Variants in MMP16 observed in about 807,000 individuals in gnomAD.
The protein encoded by MMP16 is matrix metalloproteinase-16.
Under a neutral mutation model 67.8 loss-of-function variants are expected in MMP16, and 12 were observed. The observed-to-expected ratio is 0.18, with a 90% CI of 0.11 to 0.29. The LOEUF (loss-of-function observed/expected upper bound fraction) is 0.29. Ranked by LOEUF, MMP16 falls within the 10% of genes least tolerant of loss-of-function variation. The pLI, the probability that MMP16 is intolerant of heterozygous loss-of-function variation, is 1.00. For missense variants in MMP16, 475 were observed against 765.7 expected (o/e 0.62, Z 4.48); for synonymous variants, 249 against 255.9 (o/e 0.97, Z 0.26).
intron 4 of MMP16, among the ~76,000 whole-genome samples, chr8:88,149,421 C>A (rs957059629): frequency 3.3e-5 from 5 of 152,118 alleles, no homozygotes; most frequent in Non-Finnish European, 5.9e-5. Flanking sequence ...CACAGACAAA[C>A]AAAAAGACAG....
At chr8:88,308,349 T>C (rs1811242755) in intron 1 of MMP16, among the ~76,000 whole-genome samples, 1 of 152,114 alleles carries the variant, frequency 6.6e-6, no homozygotes, top group African/African-American at 2.4e-5. Context: ...TGCTCTATAA[T>C]GCTTTTGCCA....
chr8:88,304,983 A>G (rs1811191303), intron 1 of MMP16, among the ~76,000 whole-genome samples: 1 of 152,208 alleles, frequency 6.6e-6, no homozygotes, highest in South Asian at 2.1e-4. Flanking sequence ...ACATGCCCCC[A>G]ATTAAAAAAC....
chr8:88,125,463 T>A (rs537939562), intron 4 of MMP16, among the ~76,000 whole-genome samples: 5 of 151,934 alleles, frequency 3.3e-5, no homozygotes, highest in African/African-American at 1.2e-4. Flanking sequence ...TTCAGAAATA[T>A]GTAAGTGCCA....
At chr8:88,298,924 T>TA (rs1010434228) in intron 1 of MMP16, among the ~76,000 whole-genome samples, 1 of 152,114 alleles carries the variant, frequency 6.6e-6, no homozygotes, top group Non-Finnish European at 1.5e-5. Context: ...TTTTAATCAT[T>TA]AAAAAAAGTG....
chr8:88,276,683 T>C (rs375969987), intron 1 of MMP16, among the ~76,000 whole-genome samples: 1 of 152,138 alleles, frequency 6.6e-6, no homozygotes, highest in South Asian at 2.1e-4. Context: ...CAGTCATTCC[T>C]ATTCAGATGT....
intron 1 of MMP16, among the ~76,000 whole-genome samples, chr8:88,204,505 G>C (rs184208816): frequency 1.1e-3 from 169 of 152,010 alleles, no homozygotes; most frequent in Non-Finnish European, 2.1e-4. Flanking sequence ...TCAAAAAAAT[G>C]ATTAATAACA....
rs1811554985 is a variant in MMP16, at chr8:88,327,233, G to A, written c.-27C>T. 2.5e-6 allele frequency: 4 copies of A among 1,612,836 alleles called. No individual in the cohort carries two copies. The highest frequency in any genetic ancestry group is 1.3e-5 in the African/African-American group (1 of 74,816). The stretch of plus-strand genomic sequence containing the variant: ...GTGAACTGTGCTTCAATGGATGGAC[G>A]AGCTCCCCTTCGTTTTCTCCCTCTC... On this transcript the variant is annotated 5_prime_UTR_variant, in exon 1 of 10. Coordinates refer to ENST00000286614, the MANE Select transcript of MMP16 (RefSeq NM_005941.5).
At chr8:88,124,490 T>G (rs1807892778) in intron 4 of MMP16, among the ~76,000 whole-genome samples, 1 of 151,890 alleles carries the variant, frequency 6.6e-6, no homozygotes, top group African/African-American at 2.4e-5. Flanking sequence ...ACCAAGAACT[T>G]AGTGTGCTAA....
intron 8 of MMP16, among the ~76,000 whole-genome samples, chr8:88,050,737 G>T (rs563410278): frequency 6.6e-6 from 1 of 152,246 alleles, no homozygotes; most frequent in Non-Finnish European, 1.5e-5. Flanking sequence ...TCTGCCTGTG[G>T]TTCTTATTCT....
At chr8:88,118,929 T>A in intron 4 of MMP16, 68 bp from the exon 5 acceptor site, 1 of 1,456,182 alleles carries the variant, frequency 6.9e-7, no homozygotes, top group South Asian at 1.2e-5. Context: ...AAGGACAATT[T>A]GGTATTATCA....
At chr8:88,063,587 T>C (rs996365084) in intron 7 of MMP16, among the ~76,000 whole-genome samples, 9 of 151,740 alleles carry the variant, frequency 5.9e-5, no homozygotes, top group African/African-American at 2.2e-4. Context: ...TAGGAGTGCA[T>C]TATATTGTTC....
chr8:88,041,621 A>C lies in MMP16; in HGVS notation c.1664T>G (p.Leu555Arg). ...TTTCACAGTGCTGGCTGTGTTGTCC[A>C]GTTTGATGACAATGTCTACATCATC... ...PPDDVDIVIK[L>R]DNTASTVKAI... Residue 555 changes from leucine to arginine, a missense_variant, in exon 10 of 10, where the codon CTG becomes CGG. Transcript: ENST00000286614. The surrounding 1 kb of genome is among the most constrained non-coding windows in gnomAD (Gnocchi z 6.0). 1 of 1,614,158 alleles carries C rather than the reference A, an allele frequency of 6.2e-7. No homozygotes were observed. The highest frequency in any genetic ancestry group is 8.5e-7 in the Non-Finnish European group (1 of 1,180,014).
At chr8:88,322,299 A>G (rs1811472213) in intron 1 of MMP16, among the ~76,000 whole-genome samples, 1 of 152,226 alleles carries the variant, frequency 6.6e-6, no homozygotes, top group African/African-American at 2.4e-5. Flanking sequence ...AACAGATGAC[A>G]TGACAAAATG....
intron 4 of MMP16, among the ~76,000 whole-genome samples, chr8:88,143,974 C>A: frequency 6.6e-6 from 1 of 151,976 alleles, no homozygotes; most frequent in South Asian, 2.1e-4. Context: ...ATTTCTCCAA[C>A]GTTTCCATTA....
intron 5 of MMP16, 42 bp from the exon 6 acceptor site, chr8:88,116,760 G>T (rs766032907): frequency 6.5e-7 from 1 of 1,546,490 alleles, no homozygotes; most frequent in African/African-American, 1.4e-5. Context: ...ACTTAAAACT[G>T]GAATAGAGCT....
At chr8:88,102,422 G>T (rs28906671) in intron 6 of MMP16, among the ~76,000 whole-genome samples, 2,555 of 151,942 alleles carry the variant, frequency 0.017, 39 homozygotes, top group South Asian at 0.053. Context: ...GGTATGGGGG[G>T]AGTGGGGCAG....
chr8:88,069,049 T>C (rs1413074366), intron 7 of MMP16, among the ~76,000 whole-genome samples: 1 of 152,110 alleles, frequency 6.6e-6, no homozygotes, highest in Non-Finnish European at 1.5e-5. Flanking sequence ...CTAGGCTCTT[T>C]GTATCTGTAT....
chr8:88,202,055 C>T (rs994697188), intron 1 of MMP16, among the ~76,000 whole-genome samples: 1 of 152,120 alleles, frequency 6.6e-6, no homozygotes, highest in Non-Finnish European at 1.5e-5. Flanking sequence ...TAGCCTTTTT[C>T]TTCATTCAAA....
At chr8:88,159,610 G>T (rs1808577194) in intron 4 of MMP16, among the ~76,000 whole-genome samples, 1 of 152,144 alleles carries the variant, frequency 6.6e-6, no homozygotes, top group South Asian at 2.1e-4. Flanking sequence ...TTTCCTAATT[G>T]AATACCCTTT....
Sources: allele counts gnomAD v4.1 joint callset (sites outside exome capture counted in the v4.1 genomes callset), GRCh38; gene constraint gnomAD v4.1.1; non-coding constraint Gnocchi (gnomAD v3.1); transcripts MANE v1.5; gene names NCBI Gene and HGNC (gene_info 2026-07-23, HGNC 2026-07-21).